The following SPMIP2 variants were observed in gnomAD, a reference collection of about 807,000 sequenced individuals.
The protein encoded by SPMIP2 is protein SPMIP2.
the SPMIP2 span, among the ~76,000 whole-genome samples, chr4:159,004,289 C>CTTTTTTTTTTTTTT: frequency 5.1e-5 from 4 of 78,926 alleles, no homozygotes; most frequent in African/African-American, 9.6e-5. Flanking sequence ...ACTCTGTGCT[C>CTTTTTTTTTTTTTT]TTTTTTTTTT....
chr4:158,903,526 C>T, the SPMIP2 span, among the ~76,000 whole-genome samples: 3 of 152,214 alleles, frequency 2.0e-5, no homozygotes, highest in East Asian at 5.8e-4. Flanking sequence ...CACGTGTAAT[C>T]ATAAGCTTTT....
At chr4:158,983,443 T>A in the SPMIP2 span, among the ~76,000 whole-genome samples, 3 of 151,754 alleles carry the variant, frequency 2.0e-5, no homozygotes, top group African/African-American at 7.3e-5. Context: ...GGGAAGCCCA[T>A]CAGGCTAACA....
chr4:159,057,152 C>T, the SPMIP2 span, among the ~76,000 whole-genome samples: 1 of 152,118 alleles, frequency 6.6e-6, no homozygotes, highest in Non-Finnish European at 1.5e-5. Flanking sequence ...GGGAGATACA[C>T]AATTAAATCA....
the SPMIP2 span, among the ~76,000 whole-genome samples, chr4:158,944,166 T>A: frequency 2.0e-5 from 3 of 152,064 alleles, no homozygotes; most frequent in Non-Finnish European, 4.4e-5. Flanking sequence ...ATTTTCTTCC[T>A]TATCCAAATT....
the SPMIP2 span, among the ~76,000 whole-genome samples, chr4:159,062,899 C>T: frequency 6.9e-6 from 1 of 144,950 alleles, no homozygotes. Flanking sequence ...TGCCATGTTG[C>T]TCAGGTTGGT....
At chr4:158,934,355 G>A in the SPMIP2 span, among the ~76,000 whole-genome samples, 289 of 152,204 alleles carry the variant, frequency 1.9e-3, 3 homozygotes, top group Non-Finnish European at 4.9e-4. Flanking sequence ...CCAGCTACTC[G>A]GGAGGCTGAG....
the SPMIP2 span, among the ~76,000 whole-genome samples, chr4:158,944,972 C>T: frequency 6.6e-6 from 1 of 152,236 alleles, no homozygotes; most frequent in Middle Eastern, 3.4e-3. Context: ...GATGGGTGGA[C>T]AAAATTTAAA....
At chr4:158,973,387 T>TA in the SPMIP2 span, 1 of 877,092 alleles carries the variant, frequency 1.1e-6, no homozygotes, top group Non-Finnish European at 1.7e-6. Context: ...ACCGTTGAAA[T>TA]ACTAATAGCC....
At chr4:159,032,781 C>CTT in the SPMIP2 span, among the ~76,000 whole-genome samples, 317 of 140,490 alleles carry the variant, frequency 2.3e-3, no homozygotes, top group East Asian at 4.3e-3. Flanking sequence ...AATGACCTTT[C>CTT]TTTTTTTTTT....
chr4:159,058,546 C>G, the SPMIP2 span, among the ~76,000 whole-genome samples: 1 of 152,048 alleles, frequency 6.6e-6, no homozygotes, highest in African/African-American at 2.4e-5. Context: ...CAATTGTGTA[C>G]ATCTTCATCT....
the SPMIP2 span, among the ~76,000 whole-genome samples, chr4:158,979,865 C>T: frequency 0.27 from 39,468 of 146,908 alleles, 5,984 homozygotes; most frequent in Middle Eastern, 0.35. Flanking sequence ...GTTCACTCCT[C>T]TGGAAAGGGG....
the SPMIP2 span, among the ~76,000 whole-genome samples, chr4:158,899,998 C>T: frequency 6.6e-6 from 1 of 152,088 alleles, no homozygotes; most frequent in East Asian, 1.9e-4. Flanking sequence ...CTATAAATTT[C>T]CCTCTAAACA....
At chr4:159,026,654 C>T in the SPMIP2 span, 1 of 283,204 alleles carries the variant, frequency 3.5e-6, no homozygotes, top group Non-Finnish European at 6.8e-6. Context: ...AAACATTTTA[C>T]ATGCAGCTGT....
the SPMIP2 span, among the ~76,000 whole-genome samples, chr4:158,897,589 C>T: frequency 1.1e-4 from 16 of 152,216 alleles, no homozygotes; most frequent in Middle Eastern, 3.4e-3. Flanking sequence ...TCTCTGATGA[C>T]CAGTGATGAT....
chr4:159,038,893 A>G, the SPMIP2 span: 1 of 152,612 alleles, frequency 6.6e-6, no homozygotes, highest in East Asian at 1.9e-4. Flanking sequence ...GAGAGTCATC[A>G]CTAGGAGGGT....
At chr4:158,927,703 G>A in the SPMIP2 span, among the ~76,000 whole-genome samples, 5 of 152,376 alleles carry the variant, frequency 3.3e-5, no homozygotes, top group African/African-American at 1.2e-4. Context: ...GGTGTGGAGG[G>A]AGAGGCGCCA....
the SPMIP2 span, among the ~76,000 whole-genome samples, chr4:159,012,962 T>A: frequency 6.6e-6 from 1 of 152,234 alleles, no homozygotes; most frequent in African/African-American, 2.4e-5. Context: ...GTGTATTTGT[T>A]ACATCACTGC....
the SPMIP2 span, among the ~76,000 whole-genome samples, chr4:158,923,644 C>T: frequency 1.3e-5 from 2 of 152,190 alleles, no homozygotes; most frequent in Middle Eastern, 3.4e-3. Context: ...CATATAAGAT[C>T]ATGTTATCAG....
At chr4:159,081,711 G>GA in the SPMIP2 span, among the ~76,000 whole-genome samples, 2 of 151,264 alleles carry the variant, frequency 1.3e-5, no homozygotes, top group South Asian at 2.1e-4. Flanking sequence ...GAGAGAGAGA[G>GA]AAAAAAACAA....
Sources: gnomAD v4.1 joint callset for allele counts (sites outside exome capture counted in the v4.1 genomes callset) on GRCh38, gnomAD v4.1.1 for gene constraint, MANE v1.5 for transcripts, NCBI Gene and HGNC (gene_info 2026-07-23, HGNC 2026-07-21) for gene names.